Variants in NPRL2 observed in about 807,000 individuals in gnomAD.
The protein encoded by NPRL2 is GATOR1 complex protein NPRL2.
Under a neutral mutation model 51.1 loss-of-function variants are expected in NPRL2, and 21 were observed. That is an observed-to-expected ratio of 0.41 (90% CI 0.29 to 0.59). The LOEUF (loss-of-function observed/expected upper bound fraction) is 0.59, where lower values mean the gene tolerates loss of function less well. Ranked by LOEUF, NPRL2 falls within the 20% of genes least tolerant of loss-of-function variation. The pLI, the probability that NPRL2 is intolerant of heterozygous loss-of-function variation, is 0.29. For missense variants in NPRL2, 376 were observed against 483.4 expected (o/e 0.78, Z 2.08); for synonymous variants, 175 against 187.8 (o/e 0.93, Z 0.56).
Position 50,349,513 on chromosome 3 carries a change from G to T in NPRL2, c.340-19C>A, listed in dbSNP as rs773365420. 6.2e-7 allele frequency: 1 copy of T among 1,613,302 alleles called. No individual in the cohort carries two copies. The highest frequency in any genetic ancestry group is 1.1e-5 in the South Asian group (1 of 91,070). ...TCTCTAGCTAGACAGAGCATGGAAA[G>T]CATGGTGGGCACATCCCAGGACCCC... is the stretch of plus-strand genomic sequence containing the variant. On this transcript the variant is annotated intron_variant, in intron 3 of 10. Coordinates refer to ENST00000232501, the MANE Select transcript of NPRL2 (RefSeq NM_006545.5). This position sits in a 1 kb window ranked among gnomAD's most constrained non-coding sequence, Gnocchi z 4.6.
chr3:50,350,682 C>T lies in NPRL2; in HGVS notation c.-30G>A, dbSNP rs1264854000. The T allele has an allele frequency of 1.9e-6, 3 of 1,581,566 alleles. No individual in the cohort carries two copies. The highest frequency in any genetic ancestry group is 2.6e-6 in the Non-Finnish European group (3 of 1,164,194). ...ATAACCGGGCCCAGGCCCGTAGCTCCTCGTTCCTCGCGCAGAGGCGTCCCC... is the reference window on the plus strand; with the variant it reads ...ATAACCGGGCCCAGGCCCGTAGCTCTTCGTTCCTCGCGCAGAGGCGTCCCC... On this transcript the variant is annotated 5_prime_UTR_variant, in exon 1 of 11. Transcript: ENST00000232501. This position sits in a 1 kb window ranked among gnomAD's most constrained non-coding sequence, Gnocchi z 5.7.
At position 50,347,755 on chromosome 3, in the gene NPRL2, C is replaced by T. The variant is rs1243049905; in HGVS notation, c.1075+4G>A. On this transcript the variant is annotated splice_donor_region_variant and intron_variant, in intron 10 of 10. Coordinates refer to ENST00000232501, the MANE Select transcript of NPRL2 (RefSeq NM_006545.5). ...ACCCACCCTGACTGCCCGCCTGCCT[C>T]CACCTGTCTTGCAGCAGATCTCGTC... 4 of 1,613,816 alleles carry T rather than the reference C, an allele frequency of 2.5e-6. No homozygotes were observed. The highest frequency in any genetic ancestry group is 1.7e-6 in the Non-Finnish European group (2 of 1,180,032).
chr3:50,347,455 C>G lies in NPRL2; in HGVS notation c.*151G>C, dbSNP rs1703589907. 1.1e-6 allele frequency: 1 copy of G among 937,460 alleles called. No individual in the cohort carries two copies. 58.1% of individuals were successfully genotyped at this position (937,460 alleles called of 1,614,324 possible). ...GCTATTTCATTCACTGCTGGGTCTC[C>G]CACGGCTGGCCCAGAAACAGCACTC... On this transcript the variant is annotated 3_prime_UTR_variant, in exon 11 of 11. Transcript: ENST00000232501.
In NPRL2 at chr3:50,349,020, G is replaced by A. The variant is rs780635232; in HGVS notation, c.449-10C>T. ...ATGGTGTTGGACTCATCTGCAGGGG[G>A]CCCCATCCATATCCTCAGTGCCACT... On this transcript the variant is annotated splice_polypyrimidine_tract_variant and intron_variant, in intron 4 of 10. Coordinates refer to ENST00000232501, the MANE Select transcript of NPRL2 (RefSeq NM_006545.5). This position sits in a 1 kb window ranked among gnomAD's most constrained non-coding sequence, Gnocchi z 4.6. The A allele has an allele frequency of 1.2e-6, 2 of 1,611,610 alleles. No homozygotes were observed. Among genetic ancestry groups the A allele is most frequent in the Non-Finnish European group, 8.5e-7 (1 of 1,179,070 alleles).
In NPRL2 at chr3:50,350,278, A is replaced by C; in HGVS notation, c.79-256T>G. ...TACCTAAACTTCCTATGCATCATTT[A>C]CTCTTCACTCAGTTCAGGGATACTC... is the stretch of plus-strand genomic sequence containing the variant. On this transcript the variant is annotated intron_variant, in intron 1 of 10. Transcript: ENST00000232501. The surrounding 1 kb of genome is among the most constrained non-coding windows in gnomAD (Gnocchi z 5.7). 1.7e-6 allele frequency: 1 copy of C among 595,170 alleles called. No individual in the cohort carries two copies. Among genetic ancestry groups the C allele is most frequent in the Non-Finnish European group, 3.0e-6 (1 of 335,726 alleles). The allele number at this position is 595,170 out of a possible 1,614,324, so 36.9% of individuals were successfully genotyped here. A position where few individuals can be genotyped will look rare whatever the true frequency, so the allele number is the denominator to read the frequency against.
Position 50,348,209 on chromosome 3 carries a change from G to C in NPRL2, c.847C>G (p.Gln283Glu). The C allele has an allele frequency of 6.2e-7, 1 of 1,614,018 alleles. No individual in the cohort carries two copies. Among genetic ancestry groups the C allele is most frequent in the Non-Finnish European group, 8.5e-7 (1 of 1,180,038 alleles). ...HKRASLRDVF[Q>E]LYCSLSPGTT... ...CCAGGGCTCAGGCTGCAGTATAGCT[G>C]GAACACATCCCGGAGACTGGCCCTC... The change falls in exon 9 of 11, where the codon CAG (glutamine) becomes GAG (glutamate). Residue 283 changes from glutamine to glutamate, a missense_variant. Transcript: ENST00000232501. The surrounding 1 kb of genome is among the most constrained non-coding windows in gnomAD (Gnocchi z 5.8).
At position 50,350,675 on chromosome 3, in the gene NPRL2, G is replaced by A; in HGVS notation, c.-23C>T. 5 of 1,587,624 alleles carry A rather than the reference G, an allele frequency of 3.1e-6. No individual in the cohort carries two copies. Among genetic ancestry groups the A allele is most frequent in the East Asian group, 2.3e-5 (1 of 43,392 alleles). On this transcript the variant is annotated 5_prime_UTR_variant, in exon 1 of 11. The change creates a new upstream start codon in the 5' untranslated region. Transcript: ENST00000232501. The surrounding 1 kb of genome is among the most constrained non-coding windows in gnomAD (Gnocchi z 5.7). ...CATGGCAATAACCGGGCCCAGGCCC[G>A]TAGCTCCTCGTTCCTCGCGCAGAGG...
chr3:50,349,037 A>AGT lies in NPRL2; in HGVS notation c.449-29_449-28dup. On this transcript the variant is annotated intron_variant, in intron 4 of 10. Coordinates refer to ENST00000232501, the MANE Select transcript of NPRL2 (RefSeq NM_006545.5). This position sits in a 1 kb window ranked among gnomAD's most constrained non-coding sequence, Gnocchi z 4.6. ...TGCAGGGGGCCCCATCCATATCCTC[A>AGT]GTGCCACTTCTTCCAAGAGGTCCTC... 1.2e-6 allele frequency: 2 copies of AGT among 1,605,214 alleles called. No individual in the cohort carries two copies. The highest frequency in any genetic ancestry group is 1.7e-6 in the Non-Finnish European group (2 of 1,175,282).
chr3:50,347,970 C>T, intron 9 of NPRL2, 69 bp from the exon 10 acceptor site: 2 of 1,605,276 alleles, frequency 1.2e-6, no homozygotes, highest in African/African-American at 2.7e-5. Context: ...CAACCCTTTC[C>T]TGTAGTCTCC....
Position 50,348,621 on chromosome 3 carries a change from C to G in NPRL2, c.684-58G>C. 3.7e-6 allele frequency: 6 copies of G among 1,613,994 alleles called. No homozygotes were observed. Among genetic ancestry groups the G allele is most frequent in the Non-Finnish European group, 5.1e-6 (6 of 1,179,962 alleles). On this transcript the variant is annotated intron_variant, in intron 6 of 10. Transcript: ENST00000232501. This position sits in a 1 kb window ranked among gnomAD's most constrained non-coding sequence, Gnocchi z 5.8. Reference sequence around the variant, plus strand: ...ACCATGCCTTCCCAACCCTCACACCCAGGGCCCCTGAGGTCTTCCCTGGCT... The same window carrying G: ...ACCATGCCTTCCCAACCCTCACACCGAGGGCCCCTGAGGTCTTCCCTGGCT...
Position 50,349,184 on chromosome 3 carries a change from G to C in NPRL2, c.449-174C>G, listed in dbSNP as rs1703663183. ...ACAAAGGGGAAGGAATTGCCCAAGG[G>C]GCAGAGCTGGAGAGCTCTGCTTTCC... On this transcript the variant is annotated intron_variant, in intron 4 of 10. Transcript: ENST00000232501. This position sits in a 1 kb window ranked among gnomAD's most constrained non-coding sequence, Gnocchi z 4.6. 3.3e-6 allele frequency: 3 copies of C among 900,972 alleles called. No individual in the cohort carries two copies. The highest frequency in any genetic ancestry group is 5.3e-5 in the East Asian group (2 of 37,956). The allele number at this position is 900,972 out of a possible 1,614,324, so 55.8% of individuals were successfully genotyped here.
Position 50,350,089 on chromosome 3 carries a change from C to T in NPRL2, c.79-67G>A, listed in dbSNP as rs772997939. 3.8e-6 allele frequency: 5 copies of T among 1,318,236 alleles called. No individual in the cohort carries two copies. Among genetic ancestry groups the T allele is most frequent in the African/African-American group, 1.4e-5 (1 of 69,198 alleles). The allele number at this position is 1,318,236 out of a possible 1,614,324, so 81.7% of individuals were successfully genotyped here. A position where few individuals can be genotyped will look rare whatever the true frequency, so the allele number is the denominator to read the frequency against. On this transcript the variant is annotated intron_variant, in intron 1 of 10. Transcript: ENST00000232501. This position sits in a 1 kb window ranked among gnomAD's most constrained non-coding sequence, Gnocchi z 5.7. ...TACTGGGTGTAGTACAAATGGTGAC[C>T]TCCTCATGCCCCCCAAGCCCAAGTC... is the stretch of plus-strand genomic sequence containing the variant.
Position 50,347,612 on chromosome 3 carries a change from C to A in NPRL2, c.1137G>T (p.Trp379Cys). The change falls in exon 11 of 11, where the codon TGG becomes TGT. Residue 379 changes from tryptophan (W) to cysteine (C), a missense_variant. Trp to Cys is a radical substitution (Grantham distance 215). Transcript: ENST00000232501. ...CATCCAGTCACTACCAGCCTCACTT[C>A]CAGCAGATGATGATGTTGGGGTCAT... ...LENDPNIIIC[W>C]K The A allele has an allele frequency of 1.2e-6, 2 of 1,614,100 alleles. No individual in the cohort carries two copies. Among genetic ancestry groups the A allele is most frequent in the Non-Finnish European group, 8.5e-7 (1 of 1,180,038 alleles).
Position 50,349,544 on chromosome 3 carries a change from G to C in NPRL2, c.340-50C>G. ...TGGGCACATCCCAGGACCCCTGGCT[G>C]GTTGGCTGCCCTGAGTCCTGAGCTG... is the stretch of plus-strand genomic sequence containing the variant. On this transcript the variant is annotated intron_variant, in intron 3 of 10. Coordinates refer to ENST00000232501, the MANE Select transcript of NPRL2 (RefSeq NM_006545.5). The surrounding 1 kb of genome is among the most constrained non-coding windows in gnomAD (Gnocchi z 4.6). 2 of 1,612,096 alleles carry C rather than the reference G, an allele frequency of 1.2e-6. No individual in the cohort carries two copies. The highest frequency in any genetic ancestry group is 2.7e-5 in the African/African-American group (2 of 74,990).
chr3:50,349,062 C>A lies in NPRL2; in HGVS notation c.449-52G>T, dbSNP rs772433739. 15 of 1,589,904 alleles carry A rather than the reference C, an allele frequency of 9.4e-6. No individual in the cohort carries two copies. In the African/African-American group the frequency reaches 2.0e-4, roughly 21 times the overall value. ...AGTGCCACTTCTTCCAAGAGGTCCT[C>A]AATTACCATCCAGGCCTCCCAGCAT... On this transcript the variant is annotated intron_variant, in intron 4 of 10. Coordinates refer to ENST00000232501, the MANE Select transcript of NPRL2 (RefSeq NM_006545.5). This position sits in a 1 kb window ranked among gnomAD's most constrained non-coding sequence, Gnocchi z 4.6.
At position 50,349,842 on chromosome 3, in the gene NPRL2, T is replaced by C. The variant is rs752110003; in HGVS notation, c.171-9A>G. On this transcript the variant is annotated splice_polypyrimidine_tract_variant and intron_variant, in intron 2 of 10. Transcript: ENST00000232501. The surrounding 1 kb of genome is among the most constrained non-coding windows in gnomAD (Gnocchi z 4.6). The stretch of plus-strand genomic sequence containing the variant: ...TCTTTTCCATAGCTGTGCTGGATAA[T>C]TGGAACACAGTCAGGCCCCCAAGCC... 1.3e-5 allele frequency: 21 copies of C among 1,611,784 alleles called. No homozygotes were observed. The highest frequency in any genetic ancestry group is 1.6e-4 in the Middle Eastern group (1 of 6,076).
chr3:50,348,700 G>T lies in NPRL2; in HGVS notation c.668C>A (p.Ala223Asp). ...ADVELNLVRI[A>D]IQNLLYYGVV... ...GCCCACTCACAGCAGGTTCTGGATA[G>T]CAATGCGCACCAGGTTGAGCTCCAC... The change falls in exon 6 of 11, where the codon GCT becomes GAT. Residue 223 changes from alanine to aspartate, a missense_variant. Coordinates refer to ENST00000232501, the MANE Select transcript of NPRL2 (RefSeq NM_006545.5). The surrounding 1 kb of genome is among the most constrained non-coding windows in gnomAD (Gnocchi z 5.8). 1 of 1,614,042 alleles carries T rather than the reference G, an allele frequency of 6.2e-7. No individual in the cohort carries two copies. The highest frequency in any genetic ancestry group is 8.5e-7 in the Non-Finnish European group (1 of 1,180,032).
chr3:50,349,527 TCCCAGGAC>T lies in NPRL2; in HGVS notation c.340-41_340-34del, dbSNP rs1437911803. 1 of 1,612,750 alleles carries T rather than the reference TCCCAGGAC, an allele frequency of 6.2e-7. No individual in the cohort carries two copies. The highest frequency in any genetic ancestry group is 2.2e-5 in the East Asian group (1 of 44,844). On this transcript the variant is annotated intron_variant, in intron 3 of 10. Transcript: ENST00000232501. The surrounding 1 kb of genome is among the most constrained non-coding windows in gnomAD (Gnocchi z 4.6). The stretch of plus-strand genomic sequence containing the variant: ...GAGCATGGAAAGCATGGTGGGCACA[TCCCAGGAC>T]CCCTGGCTGGTTGGCTGCCCTGAGT...
In NPRL2 at chr3:50,350,078, C is replaced by T; in HGVS notation, c.79-56G>A. On this transcript the variant is annotated intron_variant, in intron 1 of 10. Transcript: ENST00000232501. This position sits in a 1 kb window ranked among gnomAD's most constrained non-coding sequence, Gnocchi z 5.7. ...GTGGACATCTGTACTGGGTGTAGTA[C>T]AAATGGTGACCTCCTCATGCCCCCC... is the stretch of plus-strand genomic sequence containing the variant. The T allele has an allele frequency of 6.9e-7, 1 of 1,450,370 alleles. No homozygotes were observed. Among genetic ancestry groups the T allele is most frequent in the East Asian group, 2.3e-5 (1 of 43,948 alleles). The allele number at this position is 1,450,370 out of a possible 1,614,324, so 89.8% of individuals were successfully genotyped here.
Sources: allele counts gnomAD v4.1 joint callset, GRCh38; gene constraint gnomAD v4.1.1; non-coding constraint Gnocchi (gnomAD v3.1); transcripts MANE v1.5; gene names NCBI Gene and HGNC (gene_info 2026-07-23, HGNC 2026-07-21).